The following SPIRE1 variants were observed in gnomAD, a reference collection of about 807,000 sequenced individuals.
The protein encoded by SPIRE1 is spire type actin nucleation factor 1.
SPIRE1 carries 40 observed loss-of-function variants against 94.1 expected under a neutral mutation model. That is an observed-to-expected ratio of 0.43 (90% confidence interval 0.33 to 0.55). SPIRE1 has a LOEUF of 0.55. SPIRE1 is among the 20% of genes least tolerant of loss of function. The pLI, the probability that SPIRE1 is intolerant of heterozygous loss-of-function variation, is 0.06. For synonymous variants in SPIRE1, 376 were observed against 371.7 expected, an observed-to-expected ratio of 1.01 and a Z score of -0.13; for missense variants, 838 against 975.2, an observed-to-expected ratio of 0.86 and a Z score of 1.87.
intron 2 of SPIRE1, among the ~76,000 whole-genome samples, chr18:12,562,447 G>A (rs1259112631): frequency 6.8e-6 from 1 of 147,908 alleles, no homozygotes; most frequent in East Asian, 1.9e-4. Context: ...ACCAACACCT[G>A]ACTAAATTTA....
intron 3 of SPIRE1, among the ~76,000 whole-genome samples, chr18:12,536,634 C>G (rs1171307681): frequency 1.3e-5 from 2 of 152,154 alleles, no homozygotes; most frequent in Non-Finnish European, 2.9e-5. Flanking sequence ...GCCTACAGCC[C>G]TAATGTCCTT....
chr18:12,509,301 A>G (rs929742422), intron 5 of SPIRE1, among the ~76,000 whole-genome samples: 4 of 152,208 alleles, frequency 2.6e-5, no homozygotes, highest in Admixed American at 6.5e-5. Flanking sequence ...TTCTCTTGTC[A>G]GGGATGACAC....
intron 2 of SPIRE1, among the ~76,000 whole-genome samples, chr18:12,608,976 G>A (rs1377496003): frequency 6.6e-6 from 1 of 152,138 alleles, no homozygotes; most frequent in Non-Finnish European, 1.5e-5. Flanking sequence ...AATGGGGGTG[G>A]GGTGTGGGGA....
At position 12,494,557 on chromosome 18, in the gene SPIRE1, C is replaced by T. The variant is rs536530878; in HGVS notation, c.1060-1356G>A. ...TCAGAGAAAAAACCTCGGCCGGGCA[C>T]GGTGGCTCACGCCTGTAATCCCAGC... On this transcript the variant is annotated intron_variant, in intron 7 of 16. Coordinates refer to ENST00000409402, the MANE Select transcript of SPIRE1 (RefSeq NM_001128626.2). Among the ~76,000 whole-genome samples, 15 of 151,576 alleles carry T rather than the reference C, an allele frequency of 9.9e-5. No homozygotes were observed. The South Asian group carries it at 2.3e-3, about 23-fold the overall frequency.
chr18:12,536,936 T>C lies in SPIRE1; in HGVS notation c.604-1335A>G, dbSNP rs1598446078. ...CTAATACAATAACTAAAAATACGCA[T>C]CTTATTTTAATAATTTCTATCAATT... On this transcript the variant is annotated intron_variant, in intron 3 of 16. Transcript: ENST00000409402. 2.0e-5 allele frequency among the ~76,000 whole-genome samples: 3 copies of C among 152,340 alleles called. No homozygotes were observed. In the East Asian group the frequency reaches 5.8e-4, roughly 29 times the overall value.
At chr18:12,634,706 G>A (rs995681499) in intron 2 of SPIRE1, among the ~76,000 whole-genome samples, 19 of 152,108 alleles carry the variant, frequency 1.2e-4, no homozygotes, top group African/African-American at 4.6e-4. Context: ...AGGCCAAGGC[G>A]GGTGGATCAC....
chr18:12,472,649 G>A (rs1223219154), intron 10 of SPIRE1, among the ~76,000 whole-genome samples: 3 of 150,594 alleles, frequency 2.0e-5, no homozygotes, highest in Non-Finnish European at 4.4e-5. Flanking sequence ...GATTACAGGT[G>A]TGAGTCACTG....
chr18:12,573,205 A>T (rs2036001474), intron 2 of SPIRE1, among the ~76,000 whole-genome samples: 1 of 152,264 alleles, frequency 6.6e-6, no homozygotes. Flanking sequence ...ACCAAAGAAG[A>T]TATACAGATG....
At chr18:12,618,351 C>T (rs1351328894) in intron 2 of SPIRE1, among the ~76,000 whole-genome samples, 3 of 152,128 alleles carry the variant, frequency 2.0e-5, no homozygotes, top group Non-Finnish European at 2.9e-5. Flanking sequence ...CCGCCCGCCT[C>T]GGCCTCCCAA....
intron 2 of SPIRE1, among the ~76,000 whole-genome samples, chr18:12,555,712 C>T (rs767018667): frequency 1.3e-5 from 2 of 152,182 alleles, no homozygotes; most frequent in Non-Finnish European, 2.9e-5. Context: ...TGGCTAGTAT[C>T]ATACTGAGTA....
At chr18:12,525,411 A>G (rs1435786621) in intron 4 of SPIRE1, among the ~76,000 whole-genome samples, 1 of 151,440 alleles carries the variant, frequency 6.6e-6, no homozygotes, top group East Asian at 1.9e-4. Flanking sequence ...TATATAATAC[A>G]TTAATATAGA....
chr18:12,611,848 T>G (rs1486078818), intron 2 of SPIRE1, among the ~76,000 whole-genome samples: 1 of 151,644 alleles, frequency 6.6e-6, no homozygotes. Flanking sequence ...TTTTTTTTTG[T>G]ATTTTAGTAG....
chr18:12,552,589 C>A (rs911497847), intron 2 of SPIRE1, among the ~76,000 whole-genome samples: 5 of 152,020 alleles, frequency 3.3e-5, no homozygotes, highest in African/African-American at 1.2e-4. Flanking sequence ...CACCCTGGGC[C>A]TGGTAGTTAA....
At chr18:12,495,412 G>A (rs1293285776) in intron 7 of SPIRE1, among the ~76,000 whole-genome samples, 1 of 152,128 alleles carries the variant, frequency 6.6e-6, no homozygotes, top group Admixed American at 6.5e-5. Context: ...TCAAGGAGGG[G>A]TAGGTTGCAT....
intron 4 of SPIRE1, among the ~76,000 whole-genome samples, chr18:12,531,120 G>C (rs2034669719): frequency 6.6e-6 from 1 of 152,004 alleles, no homozygotes; most frequent in Non-Finnish European, 1.5e-5. Flanking sequence ...GGCTGGTCTT[G>C]AACTCCTGGC....
At chr18:12,535,195 T>G (rs2034799432) in intron 4 of SPIRE1, among the ~76,000 whole-genome samples, 2 of 152,216 alleles carry the variant, frequency 1.3e-5, no homozygotes, top group Admixed American at 6.5e-5. Flanking sequence ...CACATGAGAA[T>G]GGACTGAACT....
intron 1 of SPIRE1, among the ~76,000 whole-genome samples, chr18:12,655,693 A>G (rs2144913664): frequency 7.1e-6 from 1 of 141,132 alleles, no homozygotes; most frequent in African/African-American, 2.4e-5. Flanking sequence ...TAAGATTCAG[A>G]CCAAAAAAAA....
chr18:12,646,768 G>A (rs546709867), intron 1 of SPIRE1, among the ~76,000 whole-genome samples: 9 of 152,232 alleles, frequency 5.9e-5, no homozygotes, highest in South Asian at 2.1e-4. Context: ...TATTAGGCCC[G>A]GCGCAGTGGT....
In SPIRE1 at chr18:12,657,779, C is replaced by T. The variant is rs745917007; in HGVS notation, c.88G>A (p.Gly30Ser). The change falls in exon 1 of 17, where the codon GGC becomes AGC. Residue 30 changes from glycine (G) to serine (S), a missense_variant. Physicochemically the swap from Gly to Ser is moderately conservative, Grantham distance 56. Around this residue, in one of 2 missense-constraint regions of SPIRE1, gnomAD observed 193 missense variants for 170.5 expected, o/e 1.13. Coordinates refer to ENST00000409402, the MANE Select transcript of SPIRE1 (RefSeq NM_001128626.2). ...TCCCGGGAGCCCCCGGCCGCGCCGC[C>T]GGCTGCCCCGGGCTCCCGCGGCCCC... ...GEGPREPGAA[G>S]GAAGGSRDAL... 1 of 1,318,480 alleles carries T rather than the reference C, an allele frequency of 7.6e-7. No homozygotes were observed. Among genetic ancestry groups the T allele is most frequent in the South Asian group, 1.9e-5 (1 of 53,418 alleles). The allele number at this position is 1,318,480 out of a possible 1,614,324, so 81.7% of individuals were successfully genotyped here.
Sources: gnomAD v4.1 joint callset for allele counts (sites outside exome capture counted in the v4.1 genomes callset) on GRCh38, gnomAD v4.1.1 for gene constraint, gnomAD v4.1.1 regional missense constraint, MANE v1.5 for transcripts, NCBI Gene and HGNC (gene_info 2026-07-23, HGNC 2026-07-21) for gene names.